The following CDC42BPA variants were observed in gnomAD, a reference collection of about 807,000 sequenced individuals.
CDC42BPA encodes the protein serine/threonine-protein kinase MRCK alpha.
CDC42BPA carries 80 observed loss-of-function variants against 223.5 expected under a neutral mutation model. The observed-to-expected ratio is 0.36, with a 90% CI of 0.30 to 0.43. The LOEUF is 0.43. Ranked by LOEUF, CDC42BPA falls within the 20% of genes least tolerant of loss-of-function variation. The probability of loss-of-function intolerance (pLI) is 1.00; values close to 1 mark genes in which losing one functional copy is unlikely to be tolerated. For synonymous variants in CDC42BPA, 694 were observed against 718.6 expected (o/e 0.97, Z 0.55); for missense variants, 1,743 against 2,099.9 (o/e 0.83, Z 3.32).
At chr1:227,239,221 T>G (rs377486330) in intron 2 of CDC42BPA, among the ~76,000 whole-genome samples, 2 of 152,010 alleles carry the variant, frequency 1.3e-5, no homozygotes, top group Admixed American at 1.3e-4. Flanking sequence ...GGCAAAAGTA[T>G]GGAGATTATA....
chr1:227,217,863 T>TAC (rs994621721), intron 2 of CDC42BPA, among the ~76,000 whole-genome samples: 13 of 152,224 alleles, frequency 8.5e-5, no homozygotes, highest in Non-Finnish European at 1.3e-4. Context: ...AATGTCACTT[T>TAC]ACCCCTTGAC....
intron 1 of CDC42BPA, among the ~76,000 whole-genome samples, chr1:227,274,829 T>C (rs1157156877): frequency 6.6e-6 from 1 of 152,140 alleles, no homozygotes; most frequent in Non-Finnish European, 1.5e-5. Context: ...CTACAGATAA[T>C]GACTGTCATT....
At chr1:227,265,075 A>T in intron 1 of CDC42BPA, 2 of 775,892 alleles carry the variant, frequency 2.6e-6, no homozygotes, top group Admixed American at 1.7e-5. Context: ...CCTGCATTGC[A>T]TTGTATCCAA....
At chr1:227,276,253 G>A (rs561855793) in intron 1 of CDC42BPA, among the ~76,000 whole-genome samples, 109 of 143,818 alleles carry the variant, frequency 7.6e-4, no homozygotes, top group African/African-American at 2.7e-3. Flanking sequence ...GCCCGGCCGC[G>A]ACCCCGTCTG....
chr1:227,161,712 T>C (rs1268819273), intron 5 of CDC42BPA, among the ~76,000 whole-genome samples: 1 of 152,224 alleles, frequency 6.6e-6, no homozygotes, highest in African/African-American at 2.4e-5. Context: ...CCCATTCATT[T>C]AGGTATTGCC....
intron 9 of CDC42BPA, 37 bp downstream of exon 9, chr1:227,142,908 G>A (rs1659962528): frequency 7.0e-7 from 1 of 1,421,978 alleles, no homozygotes; most frequent in Non-Finnish European, 9.6e-7. Flanking sequence ...GTGAGCCACT[G>A]CACTTGGCCC....
At chr1:227,048,501 AT>A (rs1169649017) in intron 22 of CDC42BPA, among the ~76,000 whole-genome samples, 1 of 151,896 alleles carries the variant, frequency 6.6e-6, no homozygotes, top group Non-Finnish European at 1.5e-5. Flanking sequence ...TGACACTGGG[AT>A]TTTTGTGCAG....
intron 2 of CDC42BPA, among the ~76,000 whole-genome samples, chr1:227,238,190 T>C (rs1165619255): frequency 1.3e-5 from 1 of 77,994 alleles, no homozygotes; most frequent in Non-Finnish European, 2.7e-5. Context: ...CCCATCTCTA[T>C]TTTTTTTTTT....
intron 10 of CDC42BPA, among the ~76,000 whole-genome samples, chr1:227,136,609 G>A (rs1394852572): frequency 6.6e-6 from 1 of 152,182 alleles, no homozygotes; most frequent in Non-Finnish European, 1.5e-5. Context: ...CCAACTATTT[G>A]AAATTGAAGT....
intron 15 of CDC42BPA, among the ~76,000 whole-genome samples, chr1:227,097,102 CCTCTCCT>C (rs1373363046): frequency 6.6e-6 from 1 of 151,902 alleles, no homozygotes; most frequent in Non-Finnish European, 1.5e-5. Flanking sequence ...GTACTTTCCT[CCTCTCCT>C]CTCTCCTCCA....
chr1:227,140,994 C>G (rs1209648088), intron 9 of CDC42BPA, among the ~76,000 whole-genome samples: 1 of 152,090 alleles, frequency 6.6e-6, no homozygotes, highest in Non-Finnish European at 1.5e-5. Context: ...GAAGGAATGA[C>G]CAGCAAGGTG....
intron 5 of CDC42BPA, among the ~76,000 whole-genome samples, chr1:227,166,601 A>G (rs896183681): frequency 6.6e-6 from 1 of 152,156 alleles, no homozygotes; most frequent in Non-Finnish European, 1.5e-5. Context: ...TTTCATTTAA[A>G]TCTAAATTTA....
chr1:227,317,587 G>A lies in CDC42BPA; in HGVS notation c.-405C>T, dbSNP rs1694609412. Reference sequence around the variant, plus strand: ...ACGTAATCCTGAAACGAATCCGGTTGCATCATTAATGAATAAAGTCCGATT... The same window carrying A: ...ACGTAATCCTGAAACGAATCCGGTTACATCATTAATGAATAAAGTCCGATT... On this transcript the variant is annotated 5_prime_UTR_variant, in exon 1 of 37. It introduces an in-frame stop codon into an upstream open reading frame of the 5' UTR. Transcript: ENST00000366766. 2.5e-6 allele frequency: 1 copy of A among 397,586 alleles called. No individual in the cohort carries two copies. Among genetic ancestry groups the A allele is most frequent in the African/African-American group, 2.1e-5 (1 of 48,364 alleles). The allele number at this position is 397,586 out of a possible 1,614,324, so 24.6% of individuals were successfully genotyped here.
chr1:227,202,995 T>C (rs1021245800), intron 3 of CDC42BPA, among the ~76,000 whole-genome samples: 1 of 152,124 alleles, frequency 6.6e-6, no homozygotes, highest in African/African-American at 2.4e-5. Flanking sequence ...ATTTCAAACG[T>C]ATACAAGGGT....
At chr1:227,171,832 T>C (rs980057988) in intron 5 of CDC42BPA, among the ~76,000 whole-genome samples, 1 of 152,178 alleles carries the variant, frequency 6.6e-6, no homozygotes, top group African/African-American at 2.4e-5. Flanking sequence ...TTTAATTGCA[T>C]GTACCTTGGC....
intron 5 of CDC42BPA, among the ~76,000 whole-genome samples, chr1:227,168,497 G>GTTTTTTTGTTTTTGTTTTT (rs1665478978): frequency 1.2e-5 from 1 of 80,196 alleles, no homozygotes; most frequent in African/African-American, 5.0e-5. Context: ...CTTCCCTGGT[G>GTTTTTTTGTTTTTGTTTTT]TTTTTTTTTT....
intron 1 of CDC42BPA, among the ~76,000 whole-genome samples, chr1:227,284,271 T>C (rs1192949388): frequency 1.3e-5 from 2 of 152,214 alleles, no homozygotes; most frequent in African/African-American, 4.8e-5. Context: ...ATTTTTTATA[T>C]TTTATTCTCC....
At chr1:227,005,331 T>TACTGA (rs1377326250) in intron 34 of CDC42BPA, among the ~76,000 whole-genome samples, 1 of 152,234 alleles carries the variant, frequency 6.6e-6, no homozygotes, top group African/African-American at 2.4e-5. Context: ...TACTTATACT[T>TACTGA]ACTGAAATAC....
At chr1:227,261,779 A>G (rs1364632719) in intron 1 of CDC42BPA, among the ~76,000 whole-genome samples, 4 of 152,120 alleles carry the variant, frequency 2.6e-5, no homozygotes, top group Non-Finnish European at 4.4e-5. Flanking sequence ...ATTACCTCTC[A>G]TTAAAACCAG....
Sources: gnomAD v4.1 joint callset for allele counts (sites outside exome capture counted in the v4.1 genomes callset) on GRCh38, gnomAD v4.1.1 for gene constraint, MANE v1.5 for transcripts, NCBI Gene and HGNC (gene_info 2026-07-23, HGNC 2026-07-21) for gene names.